AHI1: variants seen among roughly 807,000 people sequenced by gnomAD.
AHI1 encodes the protein Abelson helper integration site 1.
Under a neutral mutation model 149.3 loss-of-function variants are expected in AHI1, and 123 were observed. The ratio of observed to expected loss-of-function variants is 0.82; its 90% CI spans 0.71 to 0.96. The LOEUF (loss-of-function observed/expected upper bound fraction) is 0.96. AHI1 is among the 40% of genes least tolerant of loss of function. The pLI is 0.00. For missense variants in AHI1, 1,439 were observed against 1,422.7 expected, an observed-to-expected ratio of 1.01 and a Z score of -0.18; for synonymous variants, 475 against 459.8, an observed-to-expected ratio of 1.03 and a Z score of -0.42.
chr6:135,400,903 AG>A (rs1779938608), intron 22 of AHI1, among the ~76,000 whole-genome samples: 1 of 152,108 alleles, frequency 6.6e-6, no homozygotes, highest in Admixed American at 6.5e-5. Context: ...TAAATATTGA[AG>A]CCCCCAAAAT....
At chr6:135,398,566 T>C (rs1428457593) in intron 22 of AHI1, among the ~76,000 whole-genome samples, 1 of 152,238 alleles carries the variant, frequency 6.6e-6, no homozygotes, top group Non-Finnish European at 1.5e-5. Flanking sequence ...ATTACTGATA[T>C]GACACTTTCA....
chr6:135,385,085 TCCC>T (rs550036550), intron 23 of AHI1, among the ~76,000 whole-genome samples: 35 of 150,934 alleles, frequency 2.3e-4, no homozygotes, highest in African/African-American at 7.1e-4. Flanking sequence ...CAAGACACCA[TCCC>T]CCCCACCTCC....
chr6:135,423,060 A>G (rs1783439451), intron 20 of AHI1, among the ~76,000 whole-genome samples: 1 of 152,096 alleles, frequency 6.6e-6, no homozygotes, highest in Non-Finnish European at 1.5e-5. Context: ...CTTTAGGAAA[A>G]TTATTGTTTT....
At chr6:135,460,495 T>C (rs964264736) in intron 8 of AHI1, among the ~76,000 whole-genome samples, 13 of 152,208 alleles carry the variant, frequency 8.5e-5, no homozygotes, top group Non-Finnish European at 2.9e-5. Context: ...AGAGTTGTTA[T>C]GCTGTGACTC....
intron 21 of AHI1, among the ~76,000 whole-genome samples, chr6:135,409,663 G>C (rs1010754176): frequency 1.3e-5 from 2 of 152,064 alleles, no homozygotes; most frequent in African/African-American, 4.8e-5. Context: ...GAAGTTCGAA[G>C]GTAGCTTAGT....
intron 5 of AHI1, among the ~76,000 whole-genome samples, chr6:135,481,051 T>G (rs1283372815): frequency 6.6e-6 from 1 of 152,158 alleles, no homozygotes; most frequent in African/African-American, 2.4e-5. Flanking sequence ...TGGGGACGGC[T>G]GGATTAGATC....
chr6:135,448,437 T>G lies in AHI1; in HGVS notation c.1479A>C (p.Lys493Asn). ...GTGGGTAATATAGCTGCAAGCGAAGTTTTGAGTTGATGTTTGCATTTCCAT... is the reference window on the plus strand; with the variant it reads ...GTGGGTAATATAGCTGCAAGCGAAGGTTTGAGTTGATGTTTGCATTTCCAT... ...GANGNANINS[K>N]LRLQLYYPPT... The change falls in exon 12 of 29, where the codon AAA becomes AAC. Residue 493 changes from lysine (K) to asparagine (N), a missense_variant. Transcript: ENST00000265602. The G allele has an allele frequency of 6.4e-7, 1 of 1,551,056 alleles. No homozygotes were observed.
At chr6:135,384,470 C>G (rs999728702) in intron 23 of AHI1, among the ~76,000 whole-genome samples, 1 of 152,144 alleles carries the variant, frequency 6.6e-6, no homozygotes, top group African/African-American at 2.4e-5. Flanking sequence ...GATCTAAATA[C>G]AAATGCCTCT....
Position 135,411,213 on chromosome 6 carries a change from A to G in AHI1, c.2961+135T>C, listed in dbSNP as rs1781537588. ...TTAAGGTTTTAGGAATAAGTACCTG[A>G]AAGGAACCATAAAAGTATAGGAAGG... On this transcript the variant is annotated intron_variant, in intron 21 of 28. Transcript: ENST00000265602. 23 of 842,008 alleles carry G rather than the reference A, an allele frequency of 2.7e-5. No individual in the cohort carries two copies. The South Asian group carries it at 3.9e-4, about 14-fold the overall frequency. The allele number at this position is 842,008 out of a possible 1,614,324, so 52.2% of individuals were successfully genotyped here. A position where few individuals can be genotyped will look rare whatever the true frequency, so the allele number is the denominator to read the frequency against.
chr6:135,290,364 T>C (rs755062112), intron 28 of AHI1, 59 bp downstream of exon 28: 162 of 1,025,538 alleles, frequency 1.6e-4, no homozygotes, highest in Non-Finnish European at 2.3e-4. Flanking sequence ...CTGACCATGC[T>C]TTCCTAAATC....
chr6:135,391,708 T>G (rs1485761820), intron 23 of AHI1, among the ~76,000 whole-genome samples: 1 of 151,948 alleles, frequency 6.6e-6, no homozygotes, highest in African/African-American at 2.4e-5. Context: ...AGCTCTCTTC[T>G]AAGTATTGTT....
intron 24 of AHI1, among the ~76,000 whole-genome samples, chr6:135,346,486 C>G (rs1015330268): frequency 1.3e-5 from 2 of 152,068 alleles, no homozygotes; most frequent in African/African-American, 4.8e-5. Context: ...AGGCGTGAGC[C>G]ATCATGCCTG....
chr6:135,333,885 CAGCATTCAT>C (rs995936853), intron 24 of AHI1, among the ~76,000 whole-genome samples: 116 of 152,220 alleles, frequency 7.6e-4, no homozygotes, highest in African/African-American at 2.6e-3. Context: ...ATCAAAAGAA[CAGCATTCAT>C]AGATTTTAAG....
chr6:135,390,393 C>T (rs1191915848), intron 23 of AHI1, among the ~76,000 whole-genome samples: 1 of 152,044 alleles, frequency 6.6e-6, no homozygotes, highest in Non-Finnish European at 1.5e-5. Context: ...ACACCTTTTC[C>T]AAAGAGTTAT....
At chr6:135,300,410 A>G in intron 27 of AHI1, 90 bp downstream of exon 27, 1 of 1,269,842 alleles carries the variant, frequency 7.9e-7, no homozygotes, top group Non-Finnish European at 1.1e-6. Context: ...ATAGTTTGAT[A>G]ATGTTATAAA....
chr6:135,379,937 ACTCCCTCCCTCCTTCCCCTT>A, intron 23 of AHI1, among the ~76,000 whole-genome samples: 1 of 18,216 alleles, frequency 5.5e-5, no homozygotes, highest in Non-Finnish European at 1.1e-4. Context: ...CCCTCCCCCA[ACTCCCTCCCTCCTTCCCCTT>A]CTCCCTCCCT....
intron 23 of AHI1, among the ~76,000 whole-genome samples, chr6:135,372,639 C>T (rs1370477044): frequency 1.3e-5 from 2 of 152,114 alleles, no homozygotes; most frequent in Non-Finnish European, 2.9e-5. Context: ...ATGGTTGCAC[C>T]ACTGCACTCC....
chr6:135,394,925 C>CA, intron 22 of AHI1, 29 bp from the exon 23 acceptor site: 1 of 1,574,476 alleles, frequency 6.4e-7, no homozygotes, highest in Non-Finnish European at 8.6e-7. Context: ...TCAGAAACTA[C>CA]AGTGTAATTT....
chr6:135,408,280 A>C (rs1012750962), intron 21 of AHI1, among the ~76,000 whole-genome samples: 4 of 152,126 alleles, frequency 2.6e-5, no homozygotes, highest in Admixed American at 2.6e-4. Context: ...TTGCCATGCA[A>C]GTTTTTAGAC....
Sources: gnomAD v4.1 joint callset for allele counts (sites outside exome capture counted in the v4.1 genomes callset) on GRCh38, gnomAD v4.1.1 for gene constraint, MANE v1.5 for transcripts, NCBI Gene and HGNC (gene_info 2026-07-23, HGNC 2026-07-21) for gene names.